The following EXT1 variants were observed in gnomAD, a reference collection of about 807,000 sequenced individuals.
EXT1 encodes exostosin-1.
In EXT1, 20 loss-of-function variants were observed where a neutral mutation model predicts 82.5. That is an observed-to-expected ratio of 0.24 (90% CI 0.17 to 0.35). The LOEUF (loss-of-function observed/expected upper bound fraction) is 0.35. Among genes scored for constraint, EXT1 ranks in the 10% least tolerant of loss-of-function variants. The pLI, the probability that EXT1 is intolerant of heterozygous loss-of-function variation, is 1.00. For synonymous variants in EXT1, 348 were observed against 350.8 expected, an observed-to-expected ratio of 0.99 and a Z score of 0.09; for missense variants, 757 against 936.5, an observed-to-expected ratio of 0.81 and a Z score of 2.50.
chr8:117,936,824 G>A (rs904743950), intron 1 of EXT1, among the ~76,000 whole-genome samples: 1 of 152,176 alleles, frequency 6.6e-6, no homozygotes, highest in African/African-American at 2.4e-5. Context: ...GCAGTGAGTT[G>A]AGATCATGCC....
intron 1 of EXT1, among the ~76,000 whole-genome samples, chr8:117,925,359 C>CAAAAA (rs5894404): frequency 7.0e-6 from 1 of 142,444 alleles, no homozygotes. Flanking sequence ...GCAACCACCT[C>CAAAAA]AAAAAAAAAA....
chr8:118,015,001 A>G (rs1009893484), intron 1 of EXT1, among the ~76,000 whole-genome samples: 4 of 152,224 alleles, frequency 2.6e-5, no homozygotes, highest in African/African-American at 9.6e-5. Context: ...TGACATTCCA[A>G]TTTAAAGACC....
intron 1 of EXT1, among the ~76,000 whole-genome samples, chr8:118,089,211 AG>A (rs1263896152): frequency 6.6e-6 from 1 of 152,204 alleles, no homozygotes; most frequent in Non-Finnish European, 1.5e-5. Flanking sequence ...TTCACCCCAA[AG>A]CCCCCCAAAA....
chr8:118,063,846 C>CTTTATTTATTTATTTA (rs1161651930), intron 1 of EXT1, among the ~76,000 whole-genome samples: 3 of 150,756 alleles, frequency 2.0e-5, no homozygotes, highest in South Asian at 2.1e-4. Context: ...CAGAGCTACA[C>CTTTATTTATTTATTTA]TTTATTTATT....
At chr8:118,041,256 G>A (rs1241446949) in intron 1 of EXT1, among the ~76,000 whole-genome samples, 2 of 152,116 alleles carry the variant, frequency 1.3e-5, no homozygotes, top group Non-Finnish European at 2.9e-5. Context: ...AAGCAGAGAT[G>A]GTGCAGGGTA....
intron 1 of EXT1, among the ~76,000 whole-genome samples, chr8:117,867,061 C>T (rs748106244): frequency 6.6e-6 from 1 of 151,974 alleles, no homozygotes; most frequent in Non-Finnish European, 1.5e-5. Context: ...GAGTTCAAGA[C>T]CAGCCTGGCC....
At position 117,802,020 on chromosome 8, in the gene EXT1, T is replaced by C. The variant is rs990022507; in HGVS notation, c.2056-2123A>G. On this transcript the variant is annotated intron_variant, in intron 10 of 10. Transcript: ENST00000378204. ...CAACATCTATTAGAAAAGATGCCTT[T>C]CTTATGTAATAAAAGCCTAATCCTA... 2.6e-5 allele frequency among the ~76,000 whole-genome samples: 4 copies of C among 152,252 alleles called. No individual in the cohort carries two copies. The South Asian group carries it at 8.3e-4, about 31-fold the overall frequency.
chr8:117,925,563 G>C (rs1392756420), intron 1 of EXT1, among the ~76,000 whole-genome samples: 1 of 151,900 alleles, frequency 6.6e-6, no homozygotes, highest in African/African-American at 2.4e-5. Context: ...ATCTGAAGTA[G>C]TTTTGACATA....
intron 1 of EXT1, among the ~76,000 whole-genome samples, chr8:118,005,429 C>G (rs777983962): frequency 1.3e-5 from 2 of 152,212 alleles, no homozygotes; most frequent in African/African-American, 2.4e-5. Context: ...CAAAACAAAA[C>G]AGCAGCAGTA....
intron 1 of EXT1, among the ~76,000 whole-genome samples, chr8:118,105,136 C>CA (rs1405392845): frequency 1.3e-5 from 2 of 152,162 alleles, no homozygotes; most frequent in Non-Finnish European, 2.9e-5. Context: ...GCAAAGCAGC[C>CA]AGGCCCTACC....
intron 1 of EXT1, among the ~76,000 whole-genome samples, chr8:117,938,980 C>G (rs186650025): frequency 1.3e-5 from 2 of 152,192 alleles, no homozygotes; most frequent in African/African-American, 4.8e-5. Flanking sequence ...CAGGCAGTCA[C>G]GGCCATTTGC....
chr8:117,996,282 A>G (rs947215880), intron 1 of EXT1, among the ~76,000 whole-genome samples: 1 of 152,248 alleles, frequency 6.6e-6, no homozygotes, highest in Non-Finnish European at 1.5e-5. Context: ...GATATGGGTG[A>G]GCAAGCCTTC....
At chr8:117,923,883 T>C (rs1813906640) in intron 1 of EXT1, among the ~76,000 whole-genome samples, 1 of 152,302 alleles carries the variant, frequency 6.6e-6, no homozygotes, top group African/African-American at 2.4e-5. Flanking sequence ...TCAGTGGGAA[T>C]GAGTTCACCA....
intron 1 of EXT1, among the ~76,000 whole-genome samples, chr8:117,999,938 A>G (rs1462434694): frequency 6.7e-6 from 1 of 150,114 alleles, no homozygotes; most frequent in Non-Finnish European, 1.5e-5. Flanking sequence ...CTGAGTGTAT[A>G]TATATATATA....
At chr8:117,993,456 C>T (rs1402190067) in intron 1 of EXT1, among the ~76,000 whole-genome samples, 1 of 152,194 alleles carries the variant, frequency 6.6e-6, no homozygotes, top group Non-Finnish European at 1.5e-5. Flanking sequence ...TGAACAGAGT[C>T]AAACTATAAA....
chr8:117,864,545 C>G (rs1051225767), intron 1 of EXT1, among the ~76,000 whole-genome samples: 1 of 151,978 alleles, frequency 6.6e-6, no homozygotes, highest in African/African-American at 2.4e-5. Context: ...GTCAGGAGAT[C>G]GAGACCATCC....
At chr8:118,108,064 C>T (rs1563658625) in intron 1 of EXT1, among the ~76,000 whole-genome samples, 2 of 152,112 alleles carry the variant, frequency 1.3e-5, no homozygotes, top group East Asian at 1.9e-4. Flanking sequence ...GGCCCGATCA[C>T]AAAGAGGTCA....
In EXT1 at chr8:118,073,627, AGAGAAAGAAG is replaced by A. The variant is rs1351474411; in HGVS notation, c.962+36448_962+36457del. Among the ~76,000 whole-genome samples the A allele has an allele frequency of 3.4e-3, 468 of 137,950 alleles. 1 individual carries two copies. The highest frequency in any genetic ancestry group is 0.014 in the African/African-American group (441 of 32,384). The allele number at this position is 137,950 out of a possible 152,430, so 90.5% of individuals were successfully genotyped here. On this transcript the variant is annotated intron_variant, in intron 1 of 10. Transcript: ENST00000378204. ...AGAGAGAGGAAAGGAAGAGAAGAGAAGAGAAAGAAGAGAAGAGAAGAGAAGAGAAGAGAAG... is the reference window on the plus strand; with the variant it reads ...AGAGAGAGGAAAGGAAGAGAAGAGAAAGAAGAGAAGAGAAGAGAAGAGAAG...
intron 1 of EXT1, among the ~76,000 whole-genome samples, chr8:118,070,234 G>C (rs1226760824): frequency 4.2e-5 from 4 of 96,248 alleles, no homozygotes; most frequent in South Asian, 4.0e-4. Flanking sequence ...TTCTGTGTGT[G>C]TGTGTGTGTG....
Sources: allele counts gnomAD v4.1 joint callset (sites outside exome capture counted in the v4.1 genomes callset), GRCh38; gene constraint gnomAD v4.1.1; transcripts MANE v1.5; gene names NCBI Gene and HGNC (gene_info 2026-07-23, HGNC 2026-07-21).